Variants in PCDHA7 observed in about 807,000 individuals in gnomAD.
The protein encoded by PCDHA7 is protocadherin alpha 7.
PCDHA7 carries 37 observed loss-of-function variants against 57.2 expected under a neutral mutation model. That is an observed-to-expected ratio of 0.65 (90% CI 0.50 to 0.85). The LOEUF (loss-of-function observed/expected upper bound fraction) is 0.85. Ranked by LOEUF, PCDHA7 falls within the 40% of genes least tolerant of loss-of-function variation. PCDHA7 has a pLI of 0.00. For synonymous variants in PCDHA7, 553 were observed against 558.8 expected (o/e 0.99, Z 0.15); for missense variants, 1,188 against 1,241.8 (o/e 0.96, Z 0.65).
rs187034758 is a variant in PCDHA7 at position 140,897,376 on chromosome 5, C to G, written c.2355+60638C>G. 8.0e-3 allele frequency among the ~76,000 whole-genome samples: 1,079 copies of G among 134,538 alleles called. 8 individuals are homozygous for G. Among genetic ancestry groups the G allele is most frequent in the Non-Finnish European group, 0.013 (863 of 65,384 alleles). 88.3% of individuals were successfully genotyped at this position (134,538 alleles called of 152,430 possible). A position where few individuals can be genotyped will look rare whatever the true frequency, so the allele number is the denominator to read the frequency against. ...TGTCCCCAGAGTGTGATGTTCCCTT[C>G]CCCTTCCTGTGTCCATGTGTTCTCA... On this transcript the variant is annotated intron_variant, in intron 1 of 3. Coordinates refer to ENST00000525929, the MANE Select transcript of PCDHA7 (RefSeq NM_018910.3).
chr5:140,884,101 G>T lies in PCDHA7; in HGVS notation c.2355+47363G>T, dbSNP rs782222820. 6 of 1,613,486 alleles carry T rather than the reference G, an allele frequency of 3.7e-6. No individual in the cohort carries two copies. The highest frequency in any genetic ancestry group is 3.3e-4 in the Middle Eastern group (2 of 6,042). On this transcript the variant is annotated intron_variant, in intron 1 of 3. Coordinates refer to ENST00000525929, the MANE Select transcript of PCDHA7 (RefSeq NM_018910.3). ...ACAATGCGTGGCTTTCGTATGAATT[G>T]CAGCTGGCGGCGGTCGGCGCGCGCA...
chr5:140,881,538 C>CT lies in PCDHA7; in HGVS notation c.2355+44803dup, dbSNP rs1216394306. ...AAATCCCACACATATTGACTGAACA[C>CT]TTTCTTTTGAATATAAATATCTTAT... On this transcript the variant is annotated intron_variant, in intron 1 of 3. Transcript: ENST00000525929. Among the ~76,000 whole-genome samples, 3 of 152,196 alleles carry CT rather than the reference C, an allele frequency of 2.0e-5. No homozygotes were observed. In the East Asian group the frequency reaches 5.8e-4, roughly 29 times the overall value.
At chr5:141,006,882 G>A (rs1442637421) in intron 3 of PCDHA7, among the ~76,000 whole-genome samples, 1 of 152,204 alleles carries the variant, frequency 6.6e-6, no homozygotes, top group Non-Finnish European at 1.5e-5. Flanking sequence ...GGAATCAAGA[G>A]TTTGATTTCA....
At chr5:140,954,831 C>CCT (rs2095096167) in intron 1 of PCDHA7, among the ~76,000 whole-genome samples, 1 of 152,116 alleles carries the variant, frequency 6.6e-6, no homozygotes, top group Admixed American at 6.5e-5. Flanking sequence ...GCACTTTTGT[C>CCT]ATGAAATCTT....
chr5:140,857,805 C>T lies in PCDHA7; in HGVS notation c.2355+21067C>T, dbSNP rs1311256758. On this transcript the variant is annotated intron_variant, in intron 1 of 3. Coordinates refer to ENST00000525929, the MANE Select transcript of PCDHA7 (RefSeq NM_018910.3). ...GAGCTGGTGCTGCGGTCGGTGGTTG[C>T]GGGTCACGTGGTGGCTAAGGTGCGC... The T allele has an allele frequency of 2.9e-5, 47 of 1,597,594 alleles. 7 individuals are homozygous for T. The highest frequency in any genetic ancestry group is 5.1e-5 in the Admixed American group (3 of 59,234).
rs1468060918 is a variant in PCDHA7, at chr5:140,848,352, T to G, written c.2355+11614T>G. Reference sequence around the variant, plus strand: ...TGAATCCAGACAAATACAGCCCTTTTCCCATGGGAAAGAGGCTCAATTCTT... The same window carrying G: ...TGAATCCAGACAAATACAGCCCTTTGCCCATGGGAAAGAGGCTCAATTCTT... On this transcript the variant is annotated intron_variant, in intron 1 of 3. Coordinates refer to ENST00000525929, the MANE Select transcript of PCDHA7 (RefSeq NM_018910.3). 8.0e-6 allele frequency: 8 copies of G among 1,002,918 alleles called. 1 individual carries two copies. The highest frequency in any genetic ancestry group is 1.2e-5 in the Non-Finnish European group (8 of 671,932). The allele number at this position is 1,002,918 out of a possible 1,614,324, so 62.1% of individuals were successfully genotyped here. A position where few individuals can be genotyped will look rare whatever the true frequency, so the allele number is the denominator to read the frequency against.
At position 140,953,880 on chromosome 5, in the gene PCDHA7, C is replaced by T. The variant is rs56350351; in HGVS notation, c.2356-25069C>T. On this transcript the variant is annotated intron_variant, in intron 1 of 3. Coordinates refer to ENST00000525929, the MANE Select transcript of PCDHA7 (RefSeq NM_018910.3). ...TGGTGGTTTGCTGCACAGATCAACCCATCACCTAGGTATTAAGCCCAGCAT... is the reference window on the plus strand; with the variant it reads ...TGGTGGTTTGCTGCACAGATCAACCTATCACCTAGGTATTAAGCCCAGCAT... Among the ~76,000 whole-genome samples, 609 of 152,246 alleles carry T rather than the reference C, an allele frequency of 4.0e-3. 7 individuals are homozygous for T. Among genetic ancestry groups the T allele is most frequent in the African/African-American group, 0.014 (577 of 41,548 alleles).
At chr5:140,849,432 A>C (rs2150437335) in intron 1 of PCDHA7, 5 of 1,580,716 alleles carry the variant, frequency 3.2e-6, no homozygotes, top group African/African-American at 1.4e-5. Context: ...TTTTGAAGAA[A>C]GTAGAGCACA....
chr5:140,843,651 C>T (rs2150364559), intron 1 of PCDHA7: 1 of 1,595,120 alleles, frequency 6.3e-7, no homozygotes, highest in Non-Finnish European at 8.6e-7. Flanking sequence ...CCCTGCCTTC[C>T]TCCTGATCTG....
At chr5:140,998,738 A>G (rs1163158052) in intron 3 of PCDHA7, among the ~76,000 whole-genome samples, 1 of 151,972 alleles carries the variant, frequency 6.6e-6, no homozygotes, top group Non-Finnish European at 1.5e-5. Context: ...CTAATTTTGT[A>G]TTTTTAGAAG....
intron 1 of PCDHA7, chr5:140,854,137 G>A (rs1297927276): frequency 9.5e-6 from 4 of 422,564 alleles, no homozygotes; most frequent in Non-Finnish European, 9.2e-6. Context: ...ATTTCAGCCC[G>A]GGTGACAGCA....
chr5:140,967,210 C>A, intron 1 of PCDHA7: 1 of 1,613,674 alleles, frequency 6.2e-7, no homozygotes, highest in Non-Finnish European at 8.5e-7. Flanking sequence ...CACCGCGTTT[C>A]CCGCGGCCCA....
chr5:140,997,820 T>C (rs2097787131), intron 3 of PCDHA7, among the ~76,000 whole-genome samples: 1 of 152,170 alleles, frequency 6.6e-6, no homozygotes. Flanking sequence ...GGTATCTATG[T>C]TTTCTAAACA....
intron 1 of PCDHA7, among the ~76,000 whole-genome samples, chr5:140,897,045 C>T (rs1362151452): frequency 3.3e-5 from 5 of 152,090 alleles, no homozygotes; most frequent in African/African-American, 9.7e-5. Context: ...TCACCCTATT[C>T]TGCTGTCAAA....
intron 1 of PCDHA7, chr5:140,855,985 T>C (rs1308397078): frequency 1.4e-6 from 2 of 1,473,214 alleles, no homozygotes; most frequent in East Asian, 2.3e-5. Flanking sequence ...GGACAGAAAA[T>C]GTCAGATCGT....
intron 1 of PCDHA7, chr5:140,858,154 C>G (rs781842183): frequency 1.3e-6 from 2 of 1,597,814 alleles, no homozygotes; most frequent in African/African-American, 1.3e-5. Context: ...TCATCGCCAT[C>G]TGCGCGGTGT....
chr5:140,850,624 T>C (rs2150491182), intron 1 of PCDHA7: 1 of 1,598,468 alleles, frequency 6.3e-7, no homozygotes, highest in African/African-American at 1.3e-5. Flanking sequence ...GTGTCTAGCC[T>C]GTTGGTTCTC....
intron 1 of PCDHA7, chr5:140,850,906 T>A: frequency 6.4e-7 from 1 of 1,550,722 alleles, no homozygotes; most frequent in Non-Finnish European, 8.7e-7. Context: ...TTTTCTAGCA[T>A]TTTATTTATT....
At chr5:140,944,166 G>A (rs1483002893) in intron 1 of PCDHA7, among the ~76,000 whole-genome samples, 1 of 152,024 alleles carries the variant, frequency 6.6e-6, no homozygotes, top group Non-Finnish European at 1.5e-5. Context: ...AAAGGGCCAA[G>A]GCTGGTTTTT....
Sources: allele counts gnomAD v4.1 joint callset (sites outside exome capture counted in the v4.1 genomes callset), GRCh38; gene constraint gnomAD v4.1.1; transcripts MANE v1.5; gene names NCBI Gene and HGNC (gene_info 2026-07-23, HGNC 2026-07-21).